Variants in ITPR3 observed in about 807,000 individuals in gnomAD.
ITPR3 encodes inositol 1,4,5-trisphosphate receptor type 3.
ITPR3 carries 173 observed loss-of-function variants against 293.2 expected under a neutral mutation model. The observed-to-expected ratio is 0.59, with a 90% CI of 0.52 to 0.67. The LOEUF is 0.67. ITPR3 is among the 30% of genes least tolerant of loss of function. The probability of loss-of-function intolerance (pLI) is 0.00; values close to 1 mark genes in which losing one functional copy is unlikely to be tolerated. For missense variants in ITPR3, 2,796 were observed against 3,592.1 expected (o/e 0.78, Z 5.66); for synonymous variants, 1,295 against 1,444.4 (o/e 0.90, Z 2.35).
Position 33,684,534 on chromosome 6 carries a change from C to G in ITPR3, c.5047-64C>G, listed in dbSNP as rs576382869. ...GTACCCAGGGGCTCAGGGTCAAGCC[C>G]GTCAGGCCAGTGGTCAGTGGTGGGC... On this transcript the variant is annotated intron_variant, in intron 37 of 57. Transcript: ENST00000605930. The surrounding 1 kb of genome is among the most constrained non-coding windows in gnomAD (Gnocchi z 4.2). 24 of 1,606,084 alleles carry G rather than the reference C, an allele frequency of 1.5e-5. No homozygotes were observed. The highest frequency in any genetic ancestry group is 2.0e-5 in the Non-Finnish European group (24 of 1,172,808).
Position 33,632,179 on chromosome 6 carries a change from G to A in ITPR3, c.90-8305G>A, listed in dbSNP as rs971969352. ...TTCCATTAACTTGTGTGACCTGGGCGGGTCAGTTTCTCCTCCATGCCCCAG... is the reference window on the plus strand; with the variant it reads ...TTCCATTAACTTGTGTGACCTGGGCAGGTCAGTTTCTCCTCCATGCCCCAG... On this transcript the variant is annotated intron_variant, in intron 1 of 57. Transcript: ENST00000605930. This position sits in a 1 kb window ranked among gnomAD's most constrained non-coding sequence, Gnocchi z 4.1. Among the ~76,000 whole-genome samples, 2 of 150,874 alleles carry A rather than the reference G, an allele frequency of 1.3e-5. No homozygotes were observed. The highest frequency in any genetic ancestry group is 6.6e-5 in the Admixed American group (1 of 15,112).
chr6:33,688,225 CTG>C lies in ITPR3; in HGVS notation c.6376-7_6376-6del. The C allele has an allele frequency of 6.2e-7, 1 of 1,614,160 alleles. No individual in the cohort carries two copies. Among genetic ancestry groups the C allele is most frequent in the African/African-American group, 1.3e-5 (1 of 75,060 alleles). On this transcript the variant is annotated splice_polypyrimidine_tract_variant and intron_variant, in intron 47 of 57. Transcript: ENST00000605930. Reference sequence around the variant, plus strand: ...AGCCTGCGCCGGGCGTGACCATGTGCTGTGTGTGCTCAGATTGTGCGGCAGGA... The same window carrying C: ...AGCCTGCGCCGGGCGTGACCATGTGCTGTGTGCTCAGATTGTGCGGCAGGA...
chr6:33,667,386 G>T lies in ITPR3; in HGVS notation c.1713+96G>T. 1 of 1,460,024 alleles carries T rather than the reference G, an allele frequency of 6.8e-7. No individual in the cohort carries two copies. The allele number at this position is 1,460,024 out of a possible 1,614,324, so 90.4% of individuals were successfully genotyped here. ...CATGTGCTGTGCCAGGCACTGTTTT[G>T]GGGCCTAGGGTCCAGTAGGGCACCA... On this transcript the variant is annotated intron_variant, in intron 15 of 57. Transcript: ENST00000605930. This position sits in a 1 kb window ranked among gnomAD's most constrained non-coding sequence, Gnocchi z 4.4.
Position 33,658,921 on chromosome 6 carries a change from A to G in ITPR3, c.528+93A>G. On this transcript the variant is annotated intron_variant, in intron 5 of 57. Coordinates refer to ENST00000605930, the MANE Select transcript of ITPR3 (RefSeq NM_002224.4). The surrounding 1 kb of genome is among the most constrained non-coding windows in gnomAD (Gnocchi z 6.1). ...GTGGGGACTGGATAAGGGCATGCCC[A>G]TTTCTTAGAAGGGCAGACTGAGACC... 1 of 1,595,776 alleles carries G rather than the reference A, an allele frequency of 6.3e-7. No individual in the cohort carries two copies. Among genetic ancestry groups the G allele is most frequent in the South Asian group, 1.1e-5 (1 of 89,924 alleles).
rs949660846 is a variant in ITPR3 at position 33,693,064 on chromosome 6, TGGAGTCAGAAA to T, written c.7624+177_7624+187del. Among the ~76,000 whole-genome samples the T allele has an allele frequency of 1.6e-4, 25 of 152,192 alleles. 1 individual carries two copies. The highest frequency in any genetic ancestry group is 6.5e-5 in the Admixed American group (1 of 15,278). On this transcript the variant is annotated intron_variant, in intron 55 of 57. Transcript: ENST00000605930. ...GGGAGAACATGACCCTGCCTGAACT[TGGAGTCAGAAA>T]GGAGTGGGACAGGCCCATCCCTGTA...
rs575404180 is a variant in ITPR3 at position 33,691,293 on chromosome 6, G to T, written c.7225+184G>T. On this transcript the variant is annotated intron_variant, in intron 52 of 57. Transcript: ENST00000605930. The surrounding 1 kb of genome is among the most constrained non-coding windows in gnomAD (Gnocchi z 4.9). ...CGCTCTTTTCTGGAACACACTGAGTGGGTGGGAGAGCCTTGGGTCTCTGGC... is the reference window on the plus strand; with the variant it reads ...CGCTCTTTTCTGGAACACACTGAGTTGGTGGGAGAGCCTTGGGTCTCTGGC... Among the ~76,000 whole-genome samples, 5 of 152,324 alleles carry T rather than the reference G, an allele frequency of 3.3e-5. No individual in the cohort carries two copies. The highest frequency in any genetic ancestry group is 1.2e-4 in the African/African-American group (5 of 41,582).
rs932411510 is a variant in ITPR3 at position 33,658,129 on chromosome 6, G to A, written c.369+111G>A. 1.3e-5 allele frequency: 12 copies of A among 910,914 alleles called. No homozygotes were observed. The highest frequency in any genetic ancestry group is 8.0e-5 in the Admixed American group (4 of 49,708). 56.4% of individuals were successfully genotyped at this position (910,914 alleles called of 1,614,324 possible). ...TTGCCCTCTGTGCATGTGTGTCCCC[G>A]GGTGAATGAGTGGCCCTGGGGCCAC... On this transcript the variant is annotated intron_variant, in intron 4 of 57. Coordinates refer to ENST00000605930, the MANE Select transcript of ITPR3 (RefSeq NM_002224.4). The surrounding 1 kb of genome is among the most constrained non-coding windows in gnomAD (Gnocchi z 6.1).
chr6:33,685,422 G>A lies in ITPR3; in HGVS notation c.5371G>A (p.Asp1791Asn), dbSNP rs771051348. The part of the protein sequence containing the change: ...KSERFFKVLH[D>N]RMKRAQQETK... ...AGAGCGCTTCTTCAAGGTGCTGCAC[G>A]ACCGCATGAAGCGGGCCCAGCAGGA... The change falls in exon 40 of 58, where the codon GAC (aspartate) becomes AAC (asparagine). Residue 1791 changes from aspartate (D) to asparagine (N), a missense_variant. Transcript: ENST00000605930. 4.3e-6 allele frequency: 7 copies of A among 1,614,124 alleles called. No individual in the cohort carries two copies. The highest frequency in any genetic ancestry group is 2.2e-5 in the South Asian group (2 of 91,080).
intron 1 of ITPR3, among the ~76,000 whole-genome samples, chr6:33,634,420 G>A (rs1264430832): frequency 6.6e-6 from 1 of 152,028 alleles, no homozygotes; most frequent in Non-Finnish European, 1.5e-5. Flanking sequence ...CCCATCTCCT[G>A]CCTCCCAAGT....
At chr6:33,626,962 C>T (rs1022554382) in intron 1 of ITPR3, among the ~76,000 whole-genome samples, 2 of 152,158 alleles carry the variant, frequency 1.3e-5, no homozygotes, top group African/African-American at 2.4e-5. Context: ...TGTGCCACCA[C>T]GCCCGGCTAA....
At chr6:33,635,850 G>A (rs578085391) in intron 1 of ITPR3, among the ~76,000 whole-genome samples, 43 of 151,472 alleles carry the variant, frequency 2.8e-4, no homozygotes, top group Admixed American at 1.8e-3. Context: ...GGGGAAGGGG[G>A]ATGGGGAGGA....
In ITPR3 at chr6:33,664,449, AT is replaced by A. The variant is rs1693508735; in HGVS notation, c.1149-417del. 2.6e-5 allele frequency among the ~76,000 whole-genome samples: 4 copies of A among 152,282 alleles called. No homozygotes were observed. Among genetic ancestry groups the A allele is most frequent in the South Asian group, 4.1e-4 (2 of 4,826 alleles). On this transcript the variant is annotated intron_variant, in intron 11 of 57. Transcript: ENST00000605930. The surrounding 1 kb of genome is among the most constrained non-coding windows in gnomAD (Gnocchi z 4.4). ...GGATTTGGTATTCAGATTGTTTTTC[AT>A]TTTAGAAAGGTAAACTTGCATTTTG...
In ITPR3 at chr6:33,680,636, G is replaced by A. The variant is rs763726545; in HGVS notation, c.4432G>A (p.Ala1478Thr). The A allele has an allele frequency of 3.7e-6, 6 of 1,614,054 alleles. No homozygotes were observed. The South Asian group carries it at 5.5e-5, about 15-fold the overall frequency. The change falls in exon 33 of 58, where the codon GCC becomes ACC. Residue 1478 changes from alanine to threonine, a missense_variant. Coordinates refer to ENST00000605930, the MANE Select transcript of ITPR3 (RefSeq NM_002224.4). Reference sequence around the variant, plus strand: ...GAGCGTTGTGCTGGACACCATCAACGCCTTCTTCAGCTCCCCATTCTCTGA... The same window carrying A: ...GAGCGTTGTGCTGGACACCATCAACACCTTCTTCAGCTCCCCATTCTCTGA... ...VLSVVLDTINAFFSSPFSENS... is the reference protein window; with the variant it reads ...VLSVVLDTINTFFSSPFSENS...
At chr6:33,690,317 G>A in intron 51 of ITPR3, 119 bp downstream of exon 51, 1 of 1,047,456 alleles carries the variant, frequency 9.5e-7, no homozygotes, top group Non-Finnish European at 1.4e-6. Flanking sequence ...CTGCTGGGCT[G>A]GGAGCAGTGA....
chr6:33,670,461 T>C lies in ITPR3; in HGVS notation c.2326T>C (p.Ser776Pro), dbSNP rs1227309953. 9 of 1,613,864 alleles carry C rather than the reference T, an allele frequency of 5.6e-6. No homozygotes were observed. Among genetic ancestry groups the C allele is most frequent in the Non-Finnish European group, 7.6e-6 (9 of 1,180,028 alleles). ...GATGCTGCCCTTTGACCTGCGCGCC[T>C]CCTTCTGCCACCTGATGCTGCACGT... ...DEMLPFDLRA[S>P]FCHLMLHVHV... Residue 776 changes from serine (S) to proline (P), a missense_variant, in exon 19 of 58, where the codon TCC (serine) becomes CCC (proline). Ser to Pro is a moderately conservative substitution (Grantham distance 74). Around this residue, in one of 8 missense-constraint regions of ITPR3, gnomAD observed 955 missense variants for 1,180.8 expected, o/e 0.81. Transcript: ENST00000605930. The surrounding 1 kb of genome is among the most constrained non-coding windows in gnomAD (Gnocchi z 6.7).
chr6:33,677,737 G>T, intron 28 of ITPR3, 108 bp downstream of exon 28: 1 of 1,354,786 alleles, frequency 7.4e-7, no homozygotes. Flanking sequence ...GCCTCGCCTG[G>T]CCTCTTACAC....
At chr6:33,653,329 A>G (rs1173284115) in intron 2 of ITPR3, among the ~76,000 whole-genome samples, 2 of 136,884 alleles carry the variant, frequency 1.5e-5, no homozygotes, top group East Asian at 4.2e-4. Flanking sequence ...TGCCCAGGCC[A>G]GTCTCGAACT....
chr6:33,634,621 GCTT>G (rs1763776229), intron 1 of ITPR3, among the ~76,000 whole-genome samples: 1 of 152,136 alleles, frequency 6.6e-6, no homozygotes, highest in Non-Finnish European at 1.5e-5. Context: ...TCTCTAAGTG[GCTT>G]CTGTTTGCAC....
chr6:33,652,700 G>A (rs1008938358), intron 2 of ITPR3, among the ~76,000 whole-genome samples: 12 of 152,024 alleles, frequency 7.9e-5, no homozygotes, highest in Non-Finnish European at 1.8e-4. Context: ...TCCTGACCTC[G>A]TGATCTGCCC....
Sources: allele counts gnomAD v4.1 joint callset (sites outside exome capture counted in the v4.1 genomes callset), GRCh38; gene constraint gnomAD v4.1.1; regional missense constraint gnomAD v4.1.1; non-coding constraint Gnocchi (gnomAD v3.1); transcripts MANE v1.5; gene names NCBI Gene and HGNC (gene_info 2026-07-23, HGNC 2026-07-21).